The following CDKN3 variants were observed in gnomAD, a reference collection of about 807,000 sequenced individuals.
CDKN3 encodes the protein cyclin-dependent kinase inhibitor 3.
Under a neutral mutation model 36.1 loss-of-function variants are expected in CDKN3, and 19 were observed. That is an observed-to-expected ratio of 0.53 (90% CI 0.37 to 0.77). The LOEUF is 0.77. Ranked by LOEUF, CDKN3 falls within the 30% of genes least tolerant of loss-of-function variation. The pLI is 0.00. For missense variants in CDKN3, 188 were observed against 248.6 expected (o/e 0.76, Z 1.64); for synonymous variants, 71 against 85.3 (o/e 0.83, Z 0.92).
intron 5 of CDKN3, chr14:54,413,865 A>AC: frequency 7.5e-7 from 1 of 1,340,986 alleles, no homozygotes; most frequent in Non-Finnish European, 9.6e-7. Context: ...AGTACCACAA[A>AC]CCAGGTAGCT....
chr14:54,418,352 T>C lies in CDKN3; in HGVS notation c.552+401T>C, dbSNP rs1467162810. On this transcript the variant is annotated intron_variant, in intron 7 of 7. Coordinates refer to ENST00000335183, the MANE Select transcript of CDKN3 (RefSeq NM_005192.4). Reference sequence around the variant, plus strand: ...TTGGCCAAAAAAAATCTATGGAAGATCTTGTTATATCACCAAAACATTTAA... The same window carrying C: ...TTGGCCAAAAAAAATCTATGGAAGACCTTGTTATATCACCAAAACATTTAA... The C allele has an allele frequency of 2.2e-5, 15 of 680,922 alleles. No individual in the cohort carries two copies. The East Asian group carries it at 2.7e-4, about 12-fold the overall frequency. 42.2% of individuals were successfully genotyped at this position (680,922 alleles called of 1,614,324 possible). A position where few individuals can be genotyped will look rare whatever the true frequency, so the allele number is the denominator to read the frequency against.
chr14:54,411,766 T>G, intron 5 of CDKN3, 60 bp downstream of exon 5: 3 of 1,073,140 alleles, frequency 2.8e-6, no homozygotes, highest in Non-Finnish European at 4.3e-6. Context: ...ATTTCTGGAA[T>G]TATGGTAGCC....
At chr14:54,413,494 T>C in intron 5 of CDKN3, 1 of 765,080 alleles carries the variant, frequency 1.3e-6, no homozygotes. Context: ...GCTCTGATGT[T>C]TGTGCAGAGT....
intron 7 of CDKN3, chr14:54,418,219 A>C: frequency 1.4e-6 from 1 of 702,388 alleles, no homozygotes. Flanking sequence ...TCCAGGATCT[A>C]CCTACTTCTC....
intron 4 of CDKN3, among the ~76,000 whole-genome samples, chr14:54,409,774 A>T (rs1235143514): frequency 1.3e-5 from 2 of 151,406 alleles, no homozygotes; most frequent in Admixed American, 6.6e-5. Context: ...TCAAAGCTGC[A>T]GTGAGCTGAG....
chr14:54,413,668 C>T (rs1362963035), intron 5 of CDKN3: 2 of 1,535,252 alleles, frequency 1.3e-6, no homozygotes, highest in Middle Eastern at 1.7e-4. Flanking sequence ...TCTTTGAGGA[C>T]CCACACTTCT....
At position 54,411,661 on chromosome 14, in the gene CDKN3, A is replaced by G. The variant is rs769681817; in HGVS notation, c.371A>G (p.Glu124Gly). Residue 124 changes from glutamate (E) to glycine (G), a missense_variant, in exon 5 of 8, where the codon GAA becomes GGA. Coordinates refer to ENST00000335183, the MANE Select transcript of CDKN3 (RefSeq NM_005192.4). ...ATAGCCAGCTGCTGTGAAATAATGG[A>G]AGAGCTTACAACCTGCCTTAAAAAT... ...PDIASCCEIM[E>G]ELTTCLKNYR... 1.7e-5 allele frequency: 27 copies of G among 1,613,800 alleles called. No individual in the cohort carries two copies. The East Asian group carries it at 5.8e-4, about 35-fold the overall frequency.
chr14:54,404,010 G>C (rs2030056713), intron 3 of CDKN3, among the ~76,000 whole-genome samples: 1 of 152,112 alleles, frequency 6.6e-6, no homozygotes, highest in African/African-American at 2.4e-5. Flanking sequence ...TTTTTGTTAT[G>C]TCTCTGCCAG....
intron 2 of CDKN3, among the ~76,000 whole-genome samples, chr14:54,400,282 A>G (rs1464714066): frequency 6.7e-6 from 1 of 148,870 alleles, no homozygotes; most frequent in Non-Finnish European, 1.5e-5. Context: ...AACTTAGTAG[A>G]AGGAAGTAAG....
intron 4 of CDKN3, among the ~76,000 whole-genome samples, chr14:54,410,774 A>C (rs936542824): frequency 2.0e-5 from 3 of 152,198 alleles, no homozygotes; most frequent in Non-Finnish European, 2.9e-5. Context: ...AAAAGAAAAA[A>C]AGTGCTATCA....
At chr14:54,402,451 C>T (rs1034316537) in intron 3 of CDKN3, among the ~76,000 whole-genome samples, 5 of 151,984 alleles carry the variant, frequency 3.3e-5, no homozygotes, top group African/African-American at 9.7e-5. Context: ...GGATATTAGA[C>T]CTTTGTCAGA....
chr14:54,401,214 A>G (rs2029924374), intron 2 of CDKN3, among the ~76,000 whole-genome samples: 1 of 151,782 alleles, frequency 6.6e-6, no homozygotes, highest in South Asian at 2.1e-4. Context: ...CTGGACTCAA[A>G]CAGCCTGCCT....
At chr14:54,408,624 A>T in intron 3 of CDKN3, 121 bp from the exon 4 acceptor site, 1 of 1,055,138 alleles carries the variant, frequency 9.5e-7, no homozygotes, top group Non-Finnish European at 1.3e-6. Context: ...TTCAAAATAT[A>T]ATTGAAACAT....
At chr14:54,406,327 T>C (rs1424660968) in intron 3 of CDKN3, among the ~76,000 whole-genome samples, 2 of 152,176 alleles carry the variant, frequency 1.3e-5, no homozygotes. Context: ...TTGGGGTTGC[T>C]CTTCTCGTGG....
chr14:54,417,586 G>T (rs540622879), intron 6 of CDKN3, among the ~76,000 whole-genome samples: 25 of 152,318 alleles, frequency 1.6e-4, no homozygotes, highest in Non-Finnish European at 2.6e-4. Flanking sequence ...GCACATATCT[G>T]TAAATATACT....
intron 4 of CDKN3, among the ~76,000 whole-genome samples, chr14:54,410,887 A>T (rs1254394917): frequency 6.6e-6 from 1 of 152,104 alleles, no homozygotes; most frequent in Non-Finnish European, 1.5e-5. Flanking sequence ...GTGTTTTAAG[A>T]GTTATTTTAT....
intron 1 of CDKN3, among the ~76,000 whole-genome samples, chr14:54,398,347 A>C (rs1386828146): frequency 3.9e-5 from 6 of 152,052 alleles, no homozygotes; most frequent in Non-Finnish European, 8.8e-5. Flanking sequence ...CTGATCCCCG[A>C]GTTTGGAAGG....
rs779119183 is a variant in CDKN3 at position 54,419,944 on chromosome 14, A to G, written c.553-48A>G. 2.1e-5 allele frequency: 22 copies of G among 1,064,692 alleles called. No individual in the cohort carries two copies. In the South Asian group the frequency reaches 2.7e-4, roughly 13 times the overall value. The allele number at this position is 1,064,692 out of a possible 1,614,324, so 66.0% of individuals were successfully genotyped here. A position where few individuals can be genotyped will look rare whatever the true frequency, so the allele number is the denominator to read the frequency against. The stretch of plus-strand genomic sequence containing the variant: ...ACCTGCTAATATTGTGCCCACACTG[A>G]TAACTAGTTTTCTACAGTGTATTCC... On this transcript the variant is annotated intron_variant, in intron 7 of 7. Transcript: ENST00000335183.
At chr14:54,399,680 A>G (rs562619427) in intron 1 of CDKN3, among the ~76,000 whole-genome samples, 5 of 152,226 alleles carry the variant, frequency 3.3e-5, no homozygotes, top group Non-Finnish European at 5.9e-5. Flanking sequence ...TTGGTTCCCA[A>G]TCCAACTCTC....
Sources: gnomAD v4.1 joint callset for allele counts (sites outside exome capture counted in the v4.1 genomes callset) on GRCh38, gnomAD v4.1.1 for gene constraint, MANE v1.5 for transcripts, NCBI Gene and HGNC (gene_info 2026-07-23, HGNC 2026-07-21) for gene names.